The following RBFOX1 variants were observed in gnomAD, a reference collection of about 807,000 sequenced individuals.
RBFOX1 encodes RNA binding fox-1 homolog 1, also known as RNA binding protein fox-1 homolog 1.
In RBFOX1, 8 loss-of-function variants were observed where a neutral mutation model predicts 57.7. The observed-to-expected ratio is 0.14, with a 90% CI of 0.08 to 0.25. The LOEUF (loss-of-function observed/expected upper bound fraction) is 0.25, where lower values mean the gene tolerates loss of function less well. Among genes scored for constraint, RBFOX1 ranks in the 10% least tolerant of loss-of-function variants. RBFOX1 has a pLI of 1.00. For synonymous variants in RBFOX1, 326 were observed against 222.4 expected, an observed-to-expected ratio of 1.47 and a Z score of -4.15; for missense variants, 611 against 548.5, an observed-to-expected ratio of 1.11 and a Z score of -1.14.
chr16:6,911,554 A>G (rs948697299), intron 3 of RBFOX1, among the ~76,000 whole-genome samples: 4 of 152,166 alleles, frequency 2.6e-5, no homozygotes, highest in Non-Finnish European at 5.9e-5. Flanking sequence ...CATCAGTCAT[A>G]TTGAACTATG....
At chr16:7,021,381 A>G (rs2039006542) in intron 3 of RBFOX1, among the ~76,000 whole-genome samples, 1 of 145,428 alleles carries the variant, frequency 6.9e-6, no homozygotes, top group East Asian at 2.0e-4. Context: ...TATATTTTAA[A>G]ATATTTTTAT....
intron 6 of RBFOX1, among the ~76,000 whole-genome samples, chr16:7,580,390 A>T (rs114200671): frequency 5.3e-5 from 8 of 152,336 alleles, no homozygotes; most frequent in African/African-American, 1.9e-4. Flanking sequence ...CAGATGCATC[A>T]GCAGAGAACA....
chr16:5,832,372 C>A (rs1338113708), intron 3 of RBFOX1, among the ~76,000 whole-genome samples: 1 of 152,230 alleles, frequency 6.6e-6, no homozygotes, highest in Non-Finnish European at 1.5e-5. Context: ...AAGAATGGGG[C>A]ATGCCCAGAA....
chr16:7,697,003 G>C (rs2079006946), intron 14 of RBFOX1, among the ~76,000 whole-genome samples: 1 of 152,186 alleles, frequency 6.6e-6, no homozygotes, highest in Non-Finnish European at 1.5e-5. Flanking sequence ...ACAGGGGTCA[G>C]AGGAAGTTAG....
At chr16:6,026,040 A>T (rs908290376) in intron 1 of RBFOX1, among the ~76,000 whole-genome samples, 5 of 152,084 alleles carry the variant, frequency 3.3e-5, no homozygotes, top group African/African-American at 1.2e-4. Context: ...CCAGCAGTTC[A>T]CCTTATTCGA....
chr16:7,200,621 G>A (rs983616246), intron 4 of RBFOX1, among the ~76,000 whole-genome samples: 1 of 152,126 alleles, frequency 6.6e-6, no homozygotes, highest in African/African-American at 2.4e-5. Flanking sequence ...ATCCCTTTAT[G>A]CCTTCTTTTA....
intron 4 of RBFOX1, among the ~76,000 whole-genome samples, chr16:7,409,961 C>G (rs772334605): frequency 5.3e-5 from 8 of 152,192 alleles, no homozygotes; most frequent in Non-Finnish European, 1.0e-4. Flanking sequence ...TGACATTTCT[C>G]TAACAGTGAG....
intron 1 of RBFOX1, among the ~76,000 whole-genome samples, chr16:6,264,036 A>T (rs903628259): frequency 2.6e-5 from 4 of 152,230 alleles, no homozygotes; most frequent in Admixed American, 6.5e-5. Flanking sequence ...TTTTGACTTT[A>T]ATTTGCTGAG....
At chr16:7,453,052 C>T (rs549076084) in intron 4 of RBFOX1, among the ~76,000 whole-genome samples, 2 of 151,188 alleles carry the variant, frequency 1.3e-5, no homozygotes, top group East Asian at 2.0e-4. Flanking sequence ...TCTCTTGAAC[C>T]CGGGAGGTGG....
intron 4 of RBFOX1, among the ~76,000 whole-genome samples, chr16:7,431,641 A>G (rs1339860375): frequency 2.6e-5 from 4 of 152,212 alleles, no homozygotes; most frequent in African/African-American, 7.2e-5. Context: ...ATCACTGTCC[A>G]GTTTCAGAAC....
chr16:7,357,965 G>T (rs938775577), intron 4 of RBFOX1, among the ~76,000 whole-genome samples: 1 of 152,048 alleles, frequency 6.6e-6, no homozygotes, highest in African/African-American at 2.4e-5. Flanking sequence ...TAATAGGGAG[G>T]GTTACTTTCA....
chr16:7,186,390 A>T lies in RBFOX1; in HGVS notation c.27+134292A>T, dbSNP rs1406981312. Among the ~76,000 whole-genome samples the T allele has an allele frequency of 4.9e-4, 36 of 73,830 alleles. 3 individuals are homozygous for T. The highest frequency in any genetic ancestry group is 2.4e-3 in the African/African-American group (35 of 14,676). 48.4% of individuals were successfully genotyped at this position (73,830 alleles called of 152,430 possible). A position where few individuals can be genotyped will look rare whatever the true frequency, so the allele number is the denominator to read the frequency against. ...TATAAATATAAACATAAACATATTT[A>T]TATAAATATAAACATAAACATATTT... On this transcript the variant is annotated intron_variant, in intron 4 of 15. Transcript: ENST00000550418.
intron 4 of RBFOX1, among the ~76,000 whole-genome samples, chr16:7,506,714 A>C (rs1265743674): frequency 6.6e-6 from 1 of 152,158 alleles, no homozygotes; most frequent in Admixed American, 6.5e-5. Context: ...TCCCTTACTA[A>C]TGTACGAGAT....
rs530871491 is a variant in RBFOX1 at position 6,494,194 on chromosome 16, G to A, written c.-63-160409G>A. On this transcript the variant is annotated intron_variant, in intron 2 of 15. Coordinates refer to ENST00000550418, the MANE Select transcript of RBFOX1 (RefSeq NM_018723.4). The stretch of plus-strand genomic sequence containing the variant: ...ACATCGTATCGAGGATACTGGCATG[G>A]CTGCAATCCACTGACCTTATTTGAA... Among the ~76,000 whole-genome samples, 8 of 152,224 alleles carry A rather than the reference G, an allele frequency of 5.3e-5. No individual in the cohort carries two copies. In the East Asian group the frequency reaches 1.4e-3, roughly 26 times the overall value.
At chr16:5,726,429 C>T (rs12597267) in intron 3 of RBFOX1, among the ~76,000 whole-genome samples, 13,876 of 152,164 alleles carry the variant, frequency 0.091, 1,762 homozygotes, top group African/African-American at 0.28. Flanking sequence ...ACAACCCCTC[C>T]ATTGCCAAGG....
chr16:7,452,169 G>T (rs1236135949), intron 4 of RBFOX1, among the ~76,000 whole-genome samples: 1 of 152,240 alleles, frequency 6.6e-6, no homozygotes, highest in Non-Finnish European at 1.5e-5. Flanking sequence ...TTACAGGCAG[G>T]TGGCAGCTGT....
chr16:5,547,206 G>A (rs1375250953), intron 2 of RBFOX1, among the ~76,000 whole-genome samples: 1 of 152,138 alleles, frequency 6.6e-6, no homozygotes, highest in Non-Finnish European at 1.5e-5. Context: ...TTTCTAACTG[G>A]TTCAACATGC....
At chr16:6,016,949 A>G (rs1311086093), upstream of RBFOX1, among the ~76,000 whole-genome samples, 2 of 152,198 alleles carry the variant, frequency 1.3e-5, no homozygotes, top group Non-Finnish European at 2.9e-5. Context: ...TCTCACACTC[A>G]TATTCTTAAG....
intron 2 of RBFOX1, among the ~76,000 whole-genome samples, chr16:5,505,697 G>A (rs190544247): frequency 6.6e-6 from 1 of 152,286 alleles, no homozygotes; most frequent in Non-Finnish European, 1.5e-5. Flanking sequence ...TGTGACAAAA[G>A]ATACCATCTT....
Sources: allele counts gnomAD v4.1 joint callset (sites outside exome capture counted in the v4.1 genomes callset), GRCh38; gene constraint gnomAD v4.1.1; transcripts MANE v1.5; gene names NCBI Gene and HGNC (gene_info 2026-07-23, HGNC 2026-07-21).